Variants in FCER1A observed in about 807,000 individuals in gnomAD.
FCER1A encodes the protein Fc epsilon receptor Ia, also known as high affinity immunoglobulin epsilon receptor subunit alpha.
Under a neutral mutation model 23.6 loss-of-function variants are expected in FCER1A, and 24 were observed. The ratio of observed to expected loss-of-function variants is 1.02; its 90% confidence interval spans 0.74 to 1.43. The LOEUF is 1.43. Among genes scored for constraint, FCER1A ranks in the 40% most tolerant of loss-of-function variants. The pLI, the probability that FCER1A is intolerant of heterozygous loss-of-function variation, is 0.00. For missense variants in FCER1A, 318 were observed against 294.5 expected, an observed-to-expected ratio of 1.08 and a Z score of -0.58; for synonymous variants, 121 against 108.8, an observed-to-expected ratio of 1.11 and a Z score of -0.70.
intron 1 of FCER1A, among the ~76,000 whole-genome samples, chr1:159,294,725 C>T (rs1652251130): frequency 6.6e-6 from 1 of 152,106 alleles, no homozygotes; most frequent in Admixed American, 6.6e-5. Context: ...AAGAATGTTC[C>T]TATGCTGAAA....
chr1:159,284,262 G>T, the FCER1A span, among the ~76,000 whole-genome samples: 2 of 152,298 alleles, frequency 1.3e-5, no homozygotes, highest in South Asian at 2.1e-4. Context: ...CATTTAGGGA[G>T]ATCCATCACC....
intron 1 of FCER1A, among the ~76,000 whole-genome samples, chr1:159,296,895 T>C (rs2102222114): frequency 6.6e-6 from 1 of 152,220 alleles, no homozygotes; most frequent in Non-Finnish European, 1.5e-5. Context: ...ACTGTTCCCA[T>C]CCTCACTCAT....
intron 1 of FCER1A, among the ~76,000 whole-genome samples, chr1:159,290,521 ATGT>A (rs1210291384): frequency 1.3e-5 from 2 of 152,208 alleles, no homozygotes; most frequent in Non-Finnish European, 2.9e-5. Flanking sequence ...GTTATCCCAA[ATGT>A]TGTGGCCAAA....
At chr1:159,293,291 C>T in intron 1 of FCER1A, among the ~76,000 whole-genome samples, 1 of 151,906 alleles carries the variant, frequency 6.6e-6, no homozygotes, top group East Asian at 1.9e-4. Flanking sequence ...TCCAGGCCCT[C>T]ATGATCTGGC....
chr1:159,303,024 C>T (rs901875658), intron 2 of FCER1A, 150 bp downstream of exon 2: 1 of 783,670 alleles, frequency 1.3e-6, no homozygotes, highest in African/African-American at 1.7e-5. Context: ...CTTGCCTTGT[C>T]TTTCTTTTTT....
upstream of FCER1A, among the ~76,000 whole-genome samples, chr1:159,284,996 G>A (rs1044452874): frequency 2.1e-4 from 32 of 152,258 alleles, no homozygotes; most frequent in African/African-American, 6.0e-4. Flanking sequence ...ATTGTAACTC[G>A]TTAAAAGTTT....
chr1:159,289,417 T>C (rs1652092538), upstream of FCER1A, among the ~76,000 whole-genome samples: 1 of 152,216 alleles, frequency 6.6e-6, no homozygotes, highest in African/African-American at 2.4e-5. Flanking sequence ...CAGAGGACCT[T>C]AGCACACTTG....
chr1:159,286,116 G>A (rs1173719853), upstream of FCER1A, among the ~76,000 whole-genome samples: 1 of 151,524 alleles, frequency 6.6e-6, no homozygotes, highest in African/African-American at 2.4e-5. Flanking sequence ...CTTGAACCCG[G>A]GAGGCAGAGG....
At position 159,302,867 on chromosome 1, in the gene FCER1A, G is replaced by A; in HGVS notation, c.69G>A (p.Val23=). Residue 23 remains valine, a synonymous_variant, in exon 2 of 5, where the codon GTG becomes GTA. Transcript: ENST00000693622. ...GGACTTTTGCAGCTCCAGATGGCGT[G>A]TTAGCAGGTGAGTCCTCTGTTCTTG... ...VALLFFAPDG[V]LAVPQKPKVS... The A allele has an allele frequency of 2.5e-6, 4 of 1,613,878 alleles. No individual in the cohort carries two copies. Among genetic ancestry groups the A allele is most frequent in the Non-Finnish European group, 3.4e-6 (4 of 1,179,744 alleles).
In FCER1A at chr1:159,304,072, C is replaced by A; in HGVS notation, c.221C>A (p.Thr74Lys). Residue 74 changes from threonine to lysine, a missense_variant, in exon 3 of 5, where the codon ACA (threonine) becomes AAA (lysine). Coordinates refer to ENST00000693622, the MANE Select transcript of FCER1A (RefSeq NM_001387280.1). Reference sequence around the variant, plus strand: ...CACAATGGCAGCCTTTCAGAAGAGACAAATTCAAGTTTGAATATTGTGAAT... The same window carrying A: ...CACAATGGCAGCCTTTCAGAAGAGAAAAATTCAAGTTTGAATATTGTGAAT... The part of the protein sequence containing the change: ...WFHNGSLSEE[T>K]NSSLNIVNAK... 6.2e-7 allele frequency: 1 copy of A among 1,614,106 alleles called. No homozygotes were observed. The highest frequency in any genetic ancestry group is 8.5e-7 in the Non-Finnish European group (1 of 1,179,984).
chr1:159,297,861 T>C (rs993827697), upstream of FCER1A, among the ~76,000 whole-genome samples: 3 of 152,082 alleles, frequency 2.0e-5, no homozygotes, highest in Non-Finnish European at 4.4e-5. Context: ...GGCAGCATAG[T>C]AAAACCCAGT....
At chr1:159,303,867 G>A in intron 2 of FCER1A, 61 bp from the exon 3 acceptor site, 6 of 1,342,194 alleles carry the variant, frequency 4.5e-6, no homozygotes, top group Non-Finnish European at 6.2e-6. Context: ...TTTAAGCCTA[G>A]ACAGTTTTCA....
At chr1:159,306,312 G>T (rs1174052103) in intron 4 of FCER1A, 67 bp downstream of exon 4, 51 of 1,528,912 alleles carry the variant, frequency 3.3e-5, no homozygotes, top group Non-Finnish European at 4.2e-5. Context: ...CTGAGCCTGA[G>T]CAGTTGCAGC....
At chr1:159,295,954 A>C (rs892108478) in intron 1 of FCER1A, among the ~76,000 whole-genome samples, 1 of 152,214 alleles carries the variant, frequency 6.6e-6, no homozygotes, top group Non-Finnish European at 1.5e-5. Context: ...GCTAGAGAAA[A>C]GAATAAATTA....
At chr1:159,288,746 C>G (rs185716663), upstream of FCER1A, among the ~76,000 whole-genome samples, 1,042 of 152,154 alleles carry the variant, frequency 6.8e-3, 5 homozygotes, top group Non-Finnish European at 0.01. Context: ...TGACTTTCTC[C>G]CCATGATGGA....
At chr1:159,285,508 T>C (rs754226849), upstream of FCER1A, among the ~76,000 whole-genome samples, 9 of 151,770 alleles carry the variant, frequency 5.9e-5, no homozygotes, top group Non-Finnish European at 1.2e-4. Context: ...TATAGTATAT[T>C]AAACTATGGA....
chr1:159,307,723 T>G lies in FCER1A; in HGVS notation c.590-25T>G, dbSNP rs181227379. On this transcript the variant is annotated intron_variant, in intron 4 of 4. Transcript: ENST00000693622. ...CAGTTCCCAAGATGAATTATGTTTC[T>G]CATTGCATCTGTGTTCCACTACAGC... The G allele has an allele frequency of 2.0e-6, 3 of 1,532,650 alleles. No individual in the cohort carries two copies. The African/African-American group carries it at 4.1e-5, about 21-fold the overall frequency. The allele number at this position is 1,532,650 out of a possible 1,614,324, so 94.9% of individuals were successfully genotyped here.
At chr1:159,293,404 T>G (rs1427996216) in intron 1 of FCER1A, among the ~76,000 whole-genome samples, 1 of 151,994 alleles carries the variant, frequency 6.6e-6, no homozygotes, top group African/African-American at 2.4e-5. Context: ...AATTTTATTA[T>G]TATTATACTT....
At chr1:159,290,155 T>C (rs1375344640) in intron 1 of FCER1A, among the ~76,000 whole-genome samples, 1 of 152,176 alleles carries the variant, frequency 6.6e-6, no homozygotes, top group Non-Finnish European at 1.5e-5. Context: ...TCAATTCTAC[T>C]TTCCTCTGCT....
Sources: allele counts gnomAD v4.1 joint callset (sites outside exome capture counted in the v4.1 genomes callset), GRCh38; gene constraint gnomAD v4.1.1; transcripts MANE v1.5; gene names NCBI Gene and HGNC (gene_info 2026-07-23, HGNC 2026-07-21).